Variants in RPS6KC1 observed in about 807,000 individuals in gnomAD.
The protein encoded by RPS6KC1 is ribosomal protein S6 kinase C1, also known as inactive ribosomal protein S6 kinase delta-1.
Under a neutral mutation model 103.8 loss-of-function variants are expected in RPS6KC1, and 54 were observed. The ratio of observed to expected loss-of-function variants is 0.52; its 90% CI spans 0.42 to 0.65. RPS6KC1 has a LOEUF of 0.65. Ranked by LOEUF, RPS6KC1 falls within the 30% of genes least tolerant of loss-of-function variation. The pLI, the probability that RPS6KC1 is intolerant of heterozygous loss-of-function variation, is 0.00. For missense variants in RPS6KC1, 1,151 were observed against 1,253.8 expected (o/e 0.92, Z 1.24); for synonymous variants, 439 against 438.7 (o/e 1.00, Z -0.01).
chr1:213,545,572 C>T, the RPS6KC1 span, among the ~76,000 whole-genome samples: 1 of 151,970 alleles, frequency 6.6e-6, no homozygotes, highest in Non-Finnish European at 1.5e-5. Context: ...TGTAAAGACA[C>T]CAGTCACATT....
At chr1:213,603,331 C>T in the RPS6KC1 span, among the ~76,000 whole-genome samples, 1 of 152,146 alleles carries the variant, frequency 6.6e-6, no homozygotes, top group Admixed American at 6.5e-5. Context: ...CCTCATCAGA[C>T]ACCCAAAGCT....
At chr1:213,618,601 G>A in the RPS6KC1 span, among the ~76,000 whole-genome samples, 2 of 152,158 alleles carry the variant, frequency 1.3e-5, no homozygotes, top group African/African-American at 4.8e-5. Flanking sequence ...TTTTTATTCA[G>A]CCTTGGAATG....
intron 4 of RPS6KC1, among the ~76,000 whole-genome samples, chr1:213,114,407 G>T (rs1259048522): frequency 7.5e-6 from 1 of 133,360 alleles, no homozygotes; most frequent in Non-Finnish European, 1.6e-5. Context: ...CATTGATTTT[G>T]TATCCTGAGA....
chr1:213,626,151 G>A, the RPS6KC1 span, among the ~76,000 whole-genome samples: 1 of 152,174 alleles, frequency 6.6e-6, no homozygotes, highest in African/African-American at 2.4e-5. Flanking sequence ...ATCTCATTGT[G>A]TTTTTGATTT....
At chr1:213,783,077 C>G in the RPS6KC1 span, among the ~76,000 whole-genome samples, 1 of 152,142 alleles carries the variant, frequency 6.6e-6, no homozygotes, top group Non-Finnish European at 1.5e-5. Flanking sequence ...ACAAGCAGCC[C>G]CACCCTTTCA....
At chr1:213,178,878 G>T (rs147523336) in intron 8 of RPS6KC1, among the ~76,000 whole-genome samples, 2 of 151,912 alleles carry the variant, frequency 1.3e-5, no homozygotes, top group Non-Finnish European at 1.5e-5. Flanking sequence ...ACCATGCCTG[G>T]CTAATAGTTT....
At chr1:213,435,923 A>G in the RPS6KC1 span, among the ~76,000 whole-genome samples, 1 of 152,052 alleles carries the variant, frequency 6.6e-6, no homozygotes, top group Non-Finnish European at 1.5e-5. Flanking sequence ...CATCTCCTCA[A>G]GTCAGAGAGT....
chr1:213,658,964 CT>C, the RPS6KC1 span, among the ~76,000 whole-genome samples: 6 of 151,796 alleles, frequency 4.0e-5, no homozygotes, highest in South Asian at 2.1e-4. Flanking sequence ...CTTTTCTTTT[CT>C]TTTTTTTCTT....
chr1:213,833,160 G>A, the RPS6KC1 span, among the ~76,000 whole-genome samples: 1 of 152,154 alleles, frequency 6.6e-6, no homozygotes, highest in Non-Finnish European at 1.5e-5. Context: ...CCCAGAATGG[G>A]AAATTGTGGA....
the RPS6KC1 span, among the ~76,000 whole-genome samples, chr1:213,685,667 A>C: frequency 6.6e-6 from 1 of 152,032 alleles, no homozygotes. Context: ...AAGCAAAAAA[A>C]CCTACATCGC....
chr1:213,338,762 T>TTGC, the RPS6KC1 span, among the ~76,000 whole-genome samples: 2 of 144,406 alleles, frequency 1.4e-5, no homozygotes, highest in Non-Finnish European at 3.0e-5. Flanking sequence ...TCTAGAAGTC[T>TTGC]TGCAGCATTT....
chr1:213,289,844 G>A, the RPS6KC1 span, among the ~76,000 whole-genome samples: 2 of 152,158 alleles, frequency 1.3e-5, no homozygotes, highest in African/African-American at 4.8e-5. Context: ...TTTGAGACCA[G>A]CCTGGCCAAC....
At chr1:213,648,041 G>T in the RPS6KC1 span, among the ~76,000 whole-genome samples, 1 of 152,090 alleles carries the variant, frequency 6.6e-6, no homozygotes, top group African/African-American at 2.4e-5. Flanking sequence ...CAACAACTTA[G>T]CTTTGAAAAA....
At chr1:213,608,414 G>A in the RPS6KC1 span, among the ~76,000 whole-genome samples, 50 of 152,304 alleles carry the variant, frequency 3.3e-4, no homozygotes, top group African/African-American at 9.6e-4. Context: ...TGAGGCCTCC[G>A]GGGCTGCACT....
At chr1:213,259,663 TTG>T in intron 12 of RPS6KC1, among the ~76,000 whole-genome samples, 1 of 152,298 alleles carries the variant, frequency 6.6e-6, no homozygotes, top group Admixed American at 6.5e-5. Context: ...TAGAATTGTA[TTG>T]TTTTATAGCT....
the RPS6KC1 span, among the ~76,000 whole-genome samples, chr1:213,289,100 G>T: frequency 1.3e-5 from 2 of 152,022 alleles, no homozygotes; most frequent in Non-Finnish European, 2.9e-5. Context: ...CAGGGCCACT[G>T]TATTATCTTC....
chr1:213,689,405 C>G, the RPS6KC1 span, among the ~76,000 whole-genome samples: 1 of 152,184 alleles, frequency 6.6e-6, no homozygotes, highest in African/African-American at 2.4e-5. Context: ...TTCCAGCTGG[C>G]TGAAAGGGCG....
chr1:213,323,940 C>T, the RPS6KC1 span, among the ~76,000 whole-genome samples: 2 of 152,206 alleles, frequency 1.3e-5, no homozygotes, highest in Non-Finnish European at 2.9e-5. Context: ...TGTTTATTGA[C>T]ATGTACCCAC....
Position 213,077,725 on chromosome 1 carries a change from T to C in RPS6KC1, c.171T>C (p.Phe57=). 1 of 1,501,648 alleles carries C rather than the reference T, an allele frequency of 6.7e-7. No homozygotes were observed. Among genetic ancestry groups the C allele is most frequent in the Non-Finnish European group, 9.1e-7 (1 of 1,098,470 alleles). 93.0% of individuals were successfully genotyped at this position (1,501,648 alleles called of 1,614,324 possible). A position where few individuals can be genotyped will look rare whatever the true frequency, so the allele number is the denominator to read the frequency against. The change falls in exon 3 of 15, where the codon TTT becomes TTC. Residue 57 remains phenylalanine, a synonymous_variant. Coordinates refer to ENST00000366960, the MANE Select transcript of RPS6KC1 (RefSeq NM_012424.6). ...EIIVWKRYSD[F]KKLHKELWQI... is the part of the protein sequence containing the mutation. ...TTGTATGGAAGAGATACAGTGATTT[T>C]AAGAAACTACACAAAGAACTATGGC...
Sources: gnomAD v4.1 joint callset for allele counts (sites outside exome capture counted in the v4.1 genomes callset) on GRCh38, gnomAD v4.1.1 for gene constraint, MANE v1.5 for transcripts, NCBI Gene and HGNC (gene_info 2026-07-23, HGNC 2026-07-21) for gene names.